CNTNAP5: variants seen among roughly 807,000 people sequenced by gnomAD.
CNTNAP5 encodes contactin-associated protein-like 5.
In CNTNAP5, 72 loss-of-function variants were observed where a neutral mutation model predicts 150.2. The ratio of observed to expected loss-of-function variants is 0.48; its 90% CI spans 0.40 to 0.58. The LOEUF (loss-of-function observed/expected upper bound fraction) is 0.58. Ranked by LOEUF, CNTNAP5 falls within the 20% of genes least tolerant of loss-of-function variation. CNTNAP5 has a pLI of 0.00. For missense variants in CNTNAP5, 1,636 were observed against 1,626.2 expected, an observed-to-expected ratio of 1.01 and a Z score of -0.10; for synonymous variants, 672 against 619.8, an observed-to-expected ratio of 1.08 and a Z score of -1.25.
intron 1 of CNTNAP5, among the ~76,000 whole-genome samples, chr2:124,172,777 CTCTG>C (rs924237859): frequency 1.7e-5 from 1 of 57,306 alleles, no homozygotes; most frequent in Non-Finnish European, 4.2e-5. Flanking sequence ...CTCTCTCTCT[CTCTG>C]TGTGTGTGTG....
intron 3 of CNTNAP5, among the ~76,000 whole-genome samples, chr2:124,296,431 G>A (rs768604624): frequency 6.6e-6 from 1 of 152,186 alleles, no homozygotes; most frequent in Non-Finnish European, 1.5e-5. Flanking sequence ...TGGTTTCATG[G>A]CTAAGTGTAA....
intron 1 of CNTNAP5, among the ~76,000 whole-genome samples, chr2:124,086,231 C>T (rs978637049): frequency 8.1e-6 from 1 of 123,242 alleles, no homozygotes; most frequent in Non-Finnish European, 1.6e-5. Flanking sequence ...GAGTCTTGCT[C>T]TGTCGCCCAG....
chr2:124,667,037 G>C (rs935281700), intron 13 of CNTNAP5, among the ~76,000 whole-genome samples: 8 of 152,092 alleles, frequency 5.3e-5, no homozygotes, highest in Admixed American at 2.0e-4. Context: ...GGAAACATGA[G>C]CAATGATTGG....
chr2:124,139,515 T>C (rs1332292166), intron 1 of CNTNAP5, among the ~76,000 whole-genome samples: 1 of 152,150 alleles, frequency 6.6e-6, no homozygotes, highest in Non-Finnish European at 1.5e-5. Flanking sequence ...CCTGGTAGTT[T>C]ACTTCAGAGG....
At chr2:124,400,516 G>A (rs1691378647) in intron 3 of CNTNAP5, among the ~76,000 whole-genome samples, 1 of 152,022 alleles carries the variant, frequency 6.6e-6, no homozygotes, top group Non-Finnish European at 1.5e-5. Context: ...CCCTAGCTCT[G>A]GGCCTGGCCC....
At chr2:124,547,487 G>T (rs904396211) in intron 10 of CNTNAP5, among the ~76,000 whole-genome samples, 2 of 152,214 alleles carry the variant, frequency 1.3e-5, no homozygotes, top group African/African-American at 4.8e-5. Flanking sequence ...GCGAGAGCCA[G>T]TAAAGGCAGG....
At chr2:124,358,992 G>T (rs1208350452) in intron 3 of CNTNAP5, among the ~76,000 whole-genome samples, 26 of 149,856 alleles carry the variant, frequency 1.7e-4, no homozygotes, top group Non-Finnish European at 3.1e-4. Context: ...TCCTGTTATT[G>T]GTCTATTCAG....
intron 6 of CNTNAP5, among the ~76,000 whole-genome samples, chr2:124,461,083 T>A (rs930381814): frequency 1.3e-5 from 2 of 152,198 alleles, no homozygotes; most frequent in African/African-American, 2.4e-5. Context: ...TTGGTGGGAC[T>A]GTAAACTAGT....
intron 8 of CNTNAP5, among the ~76,000 whole-genome samples, chr2:124,516,132 A>G (rs1225033724): frequency 6.6e-6 from 1 of 152,196 alleles, no homozygotes; most frequent in Non-Finnish European, 1.5e-5. Flanking sequence ...GGAAAAGTTA[A>G]TCGAATTTGA....
At chr2:124,122,449 C>T (rs1683585918) in intron 1 of CNTNAP5, among the ~76,000 whole-genome samples, 1 of 152,150 alleles carries the variant, frequency 6.6e-6, no homozygotes, top group Admixed American at 6.5e-5. Flanking sequence ...GCAAGCATAG[C>T]AGTCAATCTA....
intron 8 of CNTNAP5, among the ~76,000 whole-genome samples, chr2:124,510,335 A>G (rs1484475095): frequency 2.5e-5 from 1 of 40,246 alleles, no homozygotes; most frequent in Non-Finnish European, 5.5e-5. Flanking sequence ...CTATATATAT[A>G]TCTCCATATG....
chr2:124,310,454 G>A (rs1239827140), intron 3 of CNTNAP5, among the ~76,000 whole-genome samples: 2 of 152,044 alleles, frequency 1.3e-5, no homozygotes, highest in Non-Finnish European at 1.5e-5. Context: ...AGGAAAGGTC[G>A]GGATTGGCTA....
intron 13 of CNTNAP5, among the ~76,000 whole-genome samples, chr2:124,669,746 C>A (rs1678771744): frequency 6.6e-6 from 1 of 152,202 alleles, no homozygotes; most frequent in Admixed American, 6.5e-5. Flanking sequence ...GACCAAAAAA[C>A]CTATGAGTTA....
At chr2:124,321,451 AAAAAAG>A (rs964715265) in intron 3 of CNTNAP5, among the ~76,000 whole-genome samples, 3 of 151,666 alleles carry the variant, frequency 2.0e-5, no homozygotes, top group East Asian at 1.9e-4. Flanking sequence ...CTCAAAAAAA[AAAAAAG>A]AAAAAGAAAA....
chr2:124,739,385 G>A (rs1017876371), intron 13 of CNTNAP5, among the ~76,000 whole-genome samples: 53 of 152,228 alleles, frequency 3.5e-4, no homozygotes, highest in Admixed American at 1.2e-3. Flanking sequence ...TGTTTTCTCA[G>A]AAACGGTATT....
intron 3 of CNTNAP5, among the ~76,000 whole-genome samples, chr2:124,406,931 A>G (rs1266560290): frequency 6.6e-6 from 1 of 152,206 alleles, no homozygotes; most frequent in Non-Finnish European, 1.5e-5. Flanking sequence ...TAGCTCTCAC[A>G]TATGAGTGCA....
Position 124,524,351 on chromosome 2 carries a change from G to C in CNTNAP5, c.1376G>C (p.Arg459Thr). 1 of 1,613,866 alleles carries C rather than the reference G, an allele frequency of 6.2e-7. No individual in the cohort carries two copies. The highest frequency in any genetic ancestry group is 8.5e-7 in the Non-Finnish European group (1 of 1,179,824). The change falls in exon 9 of 24, where the codon AGG (arginine) becomes ACG (threonine). Residue 459 changes from arginine (R) to threonine (T), a missense_variant. By Grantham distance (71) the Arg-to-Thr change is moderately conservative. Transcript: ENST00000682447. ...GLWHSVSINARRNRITLTLDD... is the reference protein window; with the variant it reads ...GLWHSVSINATRNRITLTLDD... ...TGGCACTCGGTTAGCATCAACGCCA[G>C]GAGGAACCGCATCACGCTCACTCTG...
intron 19 of CNTNAP5, among the ~76,000 whole-genome samples, chr2:124,856,054 T>C (rs1677365589): frequency 6.6e-6 from 1 of 151,590 alleles, no homozygotes; most frequent in Non-Finnish European, 1.5e-5. Context: ...TGTTCCTTCT[T>C]ATGGCTGAGT....
Position 124,321,216 on chromosome 2 carries a change from C to T in CNTNAP5, c.381+78823C>T, listed in dbSNP as rs765820995. Among the ~76,000 whole-genome samples the T allele has an allele frequency of 1.1e-3, 164 of 152,102 alleles. 1 individual carries two copies. The highest frequency in any genetic ancestry group is 1.8e-3 in the Non-Finnish European group (124 of 67,976). On this transcript the variant is annotated intron_variant, in intron 3 of 23. Coordinates refer to ENST00000682447, the MANE Select transcript of CNTNAP5 (RefSeq NM_001367498.1). ...CAGCACTTTGAGAGGCCGAGGCAGG[C>T]GGATCGCCTGAGGTTGGGAGTTCAA...
Sources: gnomAD v4.1 joint callset for allele counts (sites outside exome capture counted in the v4.1 genomes callset) on GRCh38, gnomAD v4.1.1 for gene constraint, MANE v1.5 for transcripts, NCBI Gene and HGNC (gene_info 2026-07-23, HGNC 2026-07-21) for gene names.